Variants in PCDHGA1 observed in about 807,000 individuals in gnomAD.
PCDHGA1 encodes the protein protocadherin gamma subfamily A, 1.
A neutral mutation model predicts 58.0 loss-of-function variants in PCDHGA1; 32 were observed. The ratio of observed to expected loss-of-function variants is 0.55; its 90% CI spans 0.42 to 0.74. The LOEUF (loss-of-function observed/expected upper bound fraction) is 0.74. Ranked by LOEUF, PCDHGA1 falls within the 30% of genes least tolerant of loss-of-function variation. The pLI, the probability that PCDHGA1 is intolerant of heterozygous loss-of-function variation, is 0.00. For missense variants in PCDHGA1, 1,205 were observed against 1,182.3 expected, an observed-to-expected ratio of 1.02 and a Z score of -0.28; for synonymous variants, 498 against 501.1, an observed-to-expected ratio of 0.99 and a Z score of 0.08.
chr5:141,509,303 G>A (rs911736752), intron 3 of PCDHGA1, among the ~76,000 whole-genome samples: 1 of 152,210 alleles, frequency 6.6e-6, no homozygotes, highest in Admixed American at 6.5e-5. Context: ...GGAGGCAGAG[G>A]GAGGCTGGGA....
intron 1 of PCDHGA1, among the ~76,000 whole-genome samples, chr5:141,381,589 C>G (rs1777301144): frequency 6.6e-6 from 1 of 152,152 alleles, no homozygotes; most frequent in Admixed American, 6.5e-5. Context: ...ATCCATTATC[C>G]AGTTTCTTAT....
At chr5:141,391,306 C>CTTTTTTTTTTTT in intron 1 of PCDHGA1, 1 of 146,116 alleles carries the variant, frequency 6.8e-6, no homozygotes. Flanking sequence ...TCTTTCGATT[C>CTTTTTTTTTTTT]TTTTTTTTTT....
Position 141,489,569 on chromosome 5 carries a change from C to T in PCDHGA1, c.2422-5238C>T. On this transcript the variant is annotated intron_variant, in intron 1 of 3. Coordinates refer to ENST00000517417, the MANE Select transcript of PCDHGA1 (RefSeq NM_018912.3). This position sits in a 1 kb window ranked among gnomAD's most constrained non-coding sequence, Gnocchi z 4.5. ...TGCCTGCTGCCAGTGCAGGTGGTGACTGAACACCCCCTGGAGCTAATCCGT... is the reference window on the plus strand; with the variant it reads ...TGCCTGCTGCCAGTGCAGGTGGTGATTGAACACCCCCTGGAGCTAATCCGT... 6.2e-7 allele frequency: 1 copy of T among 1,614,024 alleles called. No homozygotes were observed. The highest frequency in any genetic ancestry group is 2.2e-5 in the East Asian group (1 of 44,870).
chr5:141,419,397 T>G (rs1280096838), intron 1 of PCDHGA1: 3 of 1,613,312 alleles, frequency 1.9e-6, no homozygotes. Flanking sequence ...CAGAGCGGGG[T>G]GGTGTTCGCG....
In PCDHGA1 at chr5:141,485,961, A is replaced by C. The variant is rs766687554; in HGVS notation, c.2422-8846A>C. ...GCACCAGCGGGCATGGTGCTCATCC[A>C]GCTCAATGCCTCAGACCCGGACCTG... On this transcript the variant is annotated intron_variant, in intron 1 of 3. Coordinates refer to ENST00000517417, the MANE Select transcript of PCDHGA1 (RefSeq NM_018912.3). The surrounding 1 kb of genome is among the most constrained non-coding windows in gnomAD (Gnocchi z 5.7). 6.2e-7 allele frequency: 1 copy of C among 1,614,204 alleles called. No homozygotes were observed. The highest frequency in any genetic ancestry group is 1.1e-5 in the South Asian group (1 of 91,090).
At chr5:141,421,583 G>A (rs765321947) in intron 1 of PCDHGA1, 1 of 1,613,796 alleles carries the variant, frequency 6.2e-7, no homozygotes, top group African/African-American at 1.3e-5. Context: ...AAGATTTACG[G>A]AGTGGAGGTG....
At chr5:141,352,463 G>T (rs779356890) in intron 1 of PCDHGA1, 8 of 1,614,020 alleles carry the variant, frequency 5.0e-6, no homozygotes, top group Non-Finnish European at 6.8e-6. Flanking sequence ...TGGGCCCGGG[G>T]TTCCTCCCAA....
At chr5:141,383,932 C>G in intron 1 of PCDHGA1, 3 of 1,613,794 alleles carry the variant, frequency 1.9e-6, no homozygotes, top group Non-Finnish European at 2.5e-6. Flanking sequence ...TGATAATGCT[C>G]CAGAAGTGAC....
At chr5:141,430,573 A>T (rs938248057) in intron 1 of PCDHGA1, 2 of 449,056 alleles carry the variant, frequency 4.5e-6, no homozygotes, top group Non-Finnish European at 7.6e-6. Flanking sequence ...AGAAAAGCGG[A>T]GATCCTGCTC....
Position 141,487,503 on chromosome 5 carries a change from C to T in PCDHGA1, c.2422-7304C>T. On this transcript the variant is annotated intron_variant, in intron 1 of 3. Transcript: ENST00000517417. The surrounding 1 kb of genome is among the most constrained non-coding windows in gnomAD (Gnocchi z 5.0). The stretch of plus-strand genomic sequence containing the variant: ...TCTCATGGCTGTACACCCTTGGCTT[C>T]TGCACCCACTCGGAGTGATAGCTTC... 1 of 1,614,220 alleles carries T rather than the reference C, an allele frequency of 6.2e-7. No homozygotes were observed. Among genetic ancestry groups the T allele is most frequent in the Non-Finnish European group, 8.5e-7 (1 of 1,180,042 alleles).
chr5:141,489,250 A>C lies in PCDHGA1; in HGVS notation c.2422-5557A>C. 1 of 1,546,554 alleles carries C rather than the reference A, an allele frequency of 6.5e-7. No individual in the cohort carries two copies. The highest frequency in any genetic ancestry group is 8.7e-7 in the Non-Finnish European group (1 of 1,146,722). On this transcript the variant is annotated intron_variant, in intron 1 of 3. Transcript: ENST00000517417. This position sits in a 1 kb window ranked among gnomAD's most constrained non-coding sequence, Gnocchi z 4.5. The stretch of plus-strand genomic sequence containing the variant: ...AAGGGACTTCTGGGTCATGGGGCCC[A>C]AGACACTCCCACAGCTCGCTGGGAA...
chr5:141,402,616 A>G (rs974813396), intron 1 of PCDHGA1, among the ~76,000 whole-genome samples: 1 of 152,256 alleles, frequency 6.6e-6, no homozygotes, highest in African/African-American at 2.4e-5. Flanking sequence ...AAATGCAAGA[A>G]ACAATTGGAG....
chr5:141,393,400 T>A (rs1427213486), intron 1 of PCDHGA1: 5 of 1,614,024 alleles, frequency 3.1e-6, no homozygotes, highest in Non-Finnish European at 4.2e-6. Context: ...GAGCTGGTGC[T>A]GGAGCGCGCC....
Position 141,491,905 on chromosome 5 carries a change from G to A in PCDHGA1, c.2422-2902G>A. 7.1e-7 allele frequency: 1 copy of A among 1,418,328 alleles called. No individual in the cohort carries two copies. Among genetic ancestry groups the A allele is most frequent in the Non-Finnish European group, 9.3e-7 (1 of 1,069,952 alleles). 87.9% of individuals were successfully genotyped at this position (1,418,328 alleles called of 1,614,324 possible). ...GATGGGGCTCCGAGCACCGGGGGTG[G>A]TGGCGACTGTGGGCGAGGGGAGGTG... On this transcript the variant is annotated intron_variant, in intron 1 of 3. Transcript: ENST00000517417. This position sits in a 1 kb window ranked among gnomAD's most constrained non-coding sequence, Gnocchi z 6.9.
In PCDHGA1 at chr5:141,368,077, T is replaced by A. The variant is rs563591342; in HGVS notation, c.2421+34972T>A. Among the ~76,000 whole-genome samples the A allele has an allele frequency of 2.2e-4, 33 of 152,336 alleles. 1 individual carries two copies. The South Asian group carries it at 5.6e-3, about 26-fold the overall frequency. On this transcript the variant is annotated intron_variant, in intron 1 of 3. Transcript: ENST00000517417. ...AGAACTACTATATTTCCCTTCTGCA[T>A]CTGATTTGCTGAAGATGATTTTCAG...
chr5:141,371,325 G>A (rs1335421404), intron 1 of PCDHGA1: 2 of 1,613,966 alleles, frequency 1.2e-6, no homozygotes, highest in Non-Finnish European at 8.5e-7. Context: ...GGACTTTGAA[G>A]AGAGAGATAG....
intron 1 of PCDHGA1, chr5:141,421,041 C>G (rs963777669): frequency 5.5e-6 from 3 of 546,514 alleles, no homozygotes; most frequent in Non-Finnish European, 9.5e-6. Context: ...TCCCTCCCTC[C>G]CCCGCCTCTA....
chr5:141,351,704 A>G, intron 1 of PCDHGA1: 1 of 1,613,904 alleles, frequency 6.2e-7, no homozygotes, highest in South Asian at 1.1e-5. Context: ...ACCCAACGGC[A>G]GAGTCTCCTA....
chr5:141,361,040 C>T (rs750073404), intron 1 of PCDHGA1: 3 of 1,613,220 alleles, frequency 1.9e-6, no homozygotes, highest in East Asian at 2.2e-5. Flanking sequence ...GGAGAAATCA[C>T]GACAAAGGAT....
Sources: allele counts gnomAD v4.1 joint callset (sites outside exome capture counted in the v4.1 genomes callset), GRCh38; gene constraint gnomAD v4.1.1; non-coding constraint Gnocchi (gnomAD v3.1); transcripts MANE v1.5; gene names NCBI Gene and HGNC (gene_info 2026-07-23, HGNC 2026-07-21).